Variants in CSMD2 observed in about 807,000 individuals in gnomAD.
CSMD2 encodes the protein CUB and sushi domain-containing protein 2.
In CSMD2, 130 loss-of-function variants were observed where a neutral mutation model predicts 398.5. The observed-to-expected ratio is 0.33, with a 90% confidence interval of 0.28 to 0.38. The LOEUF (loss-of-function observed/expected upper bound fraction) is 0.38, where lower values mean the gene tolerates loss of function less well. CSMD2 is among the 10% of genes least tolerant of loss of function. The pLI, the probability that CSMD2 is intolerant of heterozygous loss-of-function variation, is 1.00. For synonymous variants in CSMD2, 1,828 were observed against 1,908.5 expected (o/e 0.96, Z 1.10); for missense variants, 3,829 against 4,764.9 (o/e 0.80, Z 5.78).
intron 49 of CSMD2, among the ~76,000 whole-genome samples, chr1:33,574,077 G>A (rs1196622755): frequency 3.9e-5 from 6 of 152,106 alleles, no homozygotes; most frequent in Non-Finnish European, 7.4e-5. Context: ...ACATGTGTGA[G>A]GGCAAAAAGA....
chr1:33,544,765 A>G (rs1428326391), intron 57 of CSMD2, among the ~76,000 whole-genome samples: 1 of 151,776 alleles, frequency 6.6e-6, no homozygotes, highest in Admixed American at 6.6e-5. Context: ...TAGGGAGACT[A>G]TAGTCAAAAA....
chr1:33,779,768 A>G (rs1652472097), intron 12 of CSMD2, among the ~76,000 whole-genome samples: 1 of 152,138 alleles, frequency 6.6e-6, no homozygotes, highest in African/African-American at 2.4e-5. Context: ...GGGTGCTGCA[A>G]TTTTGGGCGT....
At chr1:33,969,962 C>A (rs747403977) in intron 3 of CSMD2, among the ~76,000 whole-genome samples, 1 of 151,922 alleles carries the variant, frequency 6.6e-6, no homozygotes, top group Non-Finnish European at 1.5e-5. Context: ...AAGATTCAAC[C>A]GGGCGTGGTG....
Position 33,726,642 on chromosome 1 carries a change from G to A in CSMD2, c.2412C>T (p.Leu804=), listed in dbSNP as rs140431671. Reference sequence around the variant, plus strand: ...TGTAGAAGCCAGGCCAGCCCGGAGAGAGGATGGTGCCGCTGGGCGAAGTCA... The same window carrying A: ...TGTAGAAGCCAGGCCAGCCCGGAGAAAGGATGGTGCCGCTGGGCGAAGTCA... ...GHLTSPSGTI[L]SPGWPGFYKD... is the part of the protein sequence containing the mutation. Residue 804 remains leucine (L), a synonymous_variant, in exon 16 of 71, where the codon CTC becomes CTT. Coordinates refer to ENST00000373381, the MANE Select transcript of CSMD2 (RefSeq NM_001281956.2). 154 of 1,613,300 alleles carry A rather than the reference G, an allele frequency of 9.5e-5. No individual in the cohort carries two copies. Among genetic ancestry groups the A allele is most frequent in the Middle Eastern group, 1.6e-4 (1 of 6,084 alleles).
intron 9 of CSMD2, 41 bp from the exon 10 acceptor site, chr1:33,810,905 G>C: frequency 1.3e-6 from 2 of 1,599,834 alleles, no homozygotes; most frequent in Non-Finnish European, 1.7e-6. Flanking sequence ...ATTAAGACTA[G>C]GTCCAGTTCC....
At chr1:33,606,931 C>T (rs1640654846) in intron 41 of CSMD2, among the ~76,000 whole-genome samples, 1 of 152,092 alleles carries the variant, frequency 6.6e-6, no homozygotes, top group Non-Finnish European at 1.5e-5. Flanking sequence ...AGAAATAAAC[C>T]CTAAGAGGAG....
At chr1:33,718,252 G>A (rs1646238994) in intron 19 of CSMD2, among the ~76,000 whole-genome samples, 1 of 152,204 alleles carries the variant, frequency 6.6e-6, no homozygotes, top group Non-Finnish European at 1.5e-5. Context: ...GCCAGGTAGG[G>A]TAAGAGATCA....
intron 3 of CSMD2, among the ~76,000 whole-genome samples, chr1:33,981,303 A>T (rs1646158143): frequency 1.3e-5 from 2 of 152,134 alleles, no homozygotes; most frequent in Non-Finnish European, 2.9e-5. Flanking sequence ...AGCTGTTCAT[A>T]AGCACTTTCT....
chr1:33,864,188 G>T, intron 5 of CSMD2: 1 of 1,590,502 alleles, frequency 6.3e-7, no homozygotes, highest in South Asian at 1.2e-5. Context: ...GTGAACTTAC[G>T]AACATGGGAA....
Position 33,586,189 on chromosome 1 carries a change from A to T in CSMD2, c.7051+315T>A, listed in dbSNP as rs1036199116. Reference sequence around the variant, plus strand: ...GAGCCCACGCCCACACCAGGGAGGGACTTCCTCCTTCCAGTACTCAGTATG... The same window carrying T: ...GAGCCCACGCCCACACCAGGGAGGGTCTTCCTCCTTCCAGTACTCAGTATG... On this transcript the variant is annotated intron_variant, in intron 46 of 70. Coordinates refer to ENST00000373381, the MANE Select transcript of CSMD2 (RefSeq NM_001281956.2). 2.0e-5 allele frequency among the ~76,000 whole-genome samples: 3 copies of T among 152,140 alleles called. No homozygotes were observed. In the East Asian group the frequency reaches 5.8e-4, roughly 29 times the overall value.
intron 67 of CSMD2, among the ~76,000 whole-genome samples, chr1:33,522,320 C>T (rs1238543274): frequency 6.6e-6 from 1 of 152,218 alleles, no homozygotes; most frequent in East Asian, 1.9e-4. Flanking sequence ...TCCAGCTGTT[C>T]CTGGCCCTCT....
chr1:34,064,764 A>G (rs1488825876), intron 2 of CSMD2, among the ~76,000 whole-genome samples: 1 of 152,130 alleles, frequency 6.6e-6, no homozygotes, highest in Non-Finnish European at 1.5e-5. Context: ...GTCCATTTTC[A>G]TGCTGCTGAT....
chr1:33,863,921 T>G, intron 5 of CSMD2: 1 of 374,410 alleles, frequency 2.7e-6, no homozygotes, highest in Admixed American at 4.4e-5. Flanking sequence ...GAGGCAAACA[T>G]TGACCCTCAA....
intron 9 of CSMD2, among the ~76,000 whole-genome samples, chr1:33,819,363 G>A (rs1441440566): frequency 1.3e-5 from 2 of 152,212 alleles, no homozygotes; most frequent in Non-Finnish European, 2.9e-5. Context: ...AGGGATTCAA[G>A]GTGACTGTAT....
chr1:34,099,351 T>C (rs1659722173), intron 1 of CSMD2, among the ~76,000 whole-genome samples: 1 of 152,170 alleles, frequency 6.6e-6, no homozygotes, highest in Non-Finnish European at 1.5e-5. Context: ...CATTAGACAA[T>C]ACCATGCTAG....
rs554234383 is a variant in CSMD2 at position 33,903,489 on chromosome 1, A to G, written c.920+14605T>C. Among the ~76,000 whole-genome samples the G allele has an allele frequency of 2.0e-5, 3 of 152,276 alleles. No individual in the cohort carries two copies. In the South Asian group the frequency reaches 6.2e-4, roughly 32 times the overall value. On this transcript the variant is annotated intron_variant, in intron 5 of 70. Coordinates refer to ENST00000373381, the MANE Select transcript of CSMD2 (RefSeq NM_001281956.2). ...CAGCAAGAGTCAGTGCTAATTTGCA[A>G]ATGTCCCCCAGGAAGGTTATTACTT...
intron 20 of CSMD2, among the ~76,000 whole-genome samples, chr1:33,715,454 T>A (rs549462414): frequency 6.6e-6 from 1 of 152,112 alleles, no homozygotes; most frequent in South Asian, 2.1e-4. Flanking sequence ...GCTTCTCCCT[T>A]CAGGATGCAG....
intron 1 of CSMD2, among the ~76,000 whole-genome samples, chr1:34,115,675 G>T (rs1661534283): frequency 6.6e-6 from 1 of 151,904 alleles, no homozygotes; most frequent in Non-Finnish European, 1.5e-5. Flanking sequence ...TAGACAAATA[G>T]AATCTTGTAA....
intron 6 of CSMD2, among the ~76,000 whole-genome samples, chr1:33,830,463 A>C (rs2125032166): frequency 6.6e-6 from 1 of 152,366 alleles, no homozygotes; most frequent in Admixed American, 6.5e-5. Context: ...GTCTGTTAGA[A>C]GGAAAACTAA....
Sources: allele counts gnomAD v4.1 joint callset (sites outside exome capture counted in the v4.1 genomes callset), GRCh38; gene constraint gnomAD v4.1.1; transcripts MANE v1.5; gene names NCBI Gene and HGNC (gene_info 2026-07-23, HGNC 2026-07-21).